Variants in SGCZ observed in about 807,000 individuals in gnomAD.
SGCZ encodes sarcoglycan zeta.
SGCZ carries 40 observed loss-of-function variants against 41.3 expected under a neutral mutation model. That is an observed-to-expected ratio of 0.97 (90% CI 0.75 to 1.26). The LOEUF (loss-of-function observed/expected upper bound fraction) is 1.26, where lower values mean the gene tolerates loss of function less well. Among genes scored for constraint, SGCZ ranks in the 50% most tolerant of loss-of-function variants. The pLI is 0.00. For missense variants in SGCZ, 552 were observed against 369.8 expected, an observed-to-expected ratio of 1.49 and a Z score of -4.04; for synonymous variants, 206 against 137.5, an observed-to-expected ratio of 1.50 and a Z score of -3.49.
chr8:15,037,294 G>C (rs1391429093), intron 1 of SGCZ, among the ~76,000 whole-genome samples: 2 of 152,140 alleles, frequency 1.3e-5, no homozygotes, highest in East Asian at 3.9e-4. Flanking sequence ...TTTTATAGGG[G>C]CTTTCCCCAC....
chr8:14,747,086 G>A (rs1799357363), intron 1 of SGCZ, among the ~76,000 whole-genome samples: 2 of 152,000 alleles, frequency 1.3e-5, no homozygotes, highest in Non-Finnish European at 2.9e-5. Flanking sequence ...TATTTCAATT[G>A]GGGTAAGATT....
chr8:14,379,654 C>T (rs888204307), intron 2 of SGCZ, among the ~76,000 whole-genome samples: 1 of 152,038 alleles, frequency 6.6e-6, no homozygotes. Context: ...TAATAATAGG[C>T]AAACACTATT....
chr8:14,147,608 G>A (rs1369708851), intron 5 of SGCZ, among the ~76,000 whole-genome samples: 3 of 151,980 alleles, frequency 2.0e-5, no homozygotes, highest in African/African-American at 2.4e-5. Context: ...GTCCAAATAC[G>A]ATAACTGGAA....
intron 1 of SGCZ, among the ~76,000 whole-genome samples, chr8:14,570,145 C>T (rs1265008587): frequency 6.6e-6 from 1 of 152,058 alleles, no homozygotes; most frequent in Non-Finnish European, 1.5e-5. Flanking sequence ...AAGACCGGGA[C>T]TTTGGGGTTG....
chr8:14,672,852 T>A lies in SGCZ; in HGVS notation c.40-117926A>T, dbSNP rs574811995. 1.6e-3 allele frequency among the ~76,000 whole-genome samples: 242 copies of A among 152,306 alleles called. 4 individuals carry two copies. In the Middle Eastern group the frequency reaches 0.024, roughly 15 times the overall value. On this transcript the variant is annotated intron_variant, in intron 1 of 7. Coordinates refer to ENST00000382080, the MANE Select transcript of SGCZ (RefSeq NM_139167.4). ...AATGGTCTACATAAAGGATCAGTAATCTTTTTCTTATAAAGGGGTCAGAAA... is the reference window on the plus strand; with the variant it reads ...AATGGTCTACATAAAGGATCAGTAAACTTTTTCTTATAAAGGGGTCAGAAA...
intron 1 of SGCZ, among the ~76,000 whole-genome samples, chr8:15,232,868 A>G (rs146297083): frequency 0.015 from 2,245 of 150,618 alleles, 29 homozygotes; most frequent in Middle Eastern, 0.028. Context: ...ACAAAAAATG[A>G]GTGATGTGAT....
At chr8:14,349,206 C>T (rs756777916) in intron 2 of SGCZ, among the ~76,000 whole-genome samples, 1 of 152,042 alleles carries the variant, frequency 6.6e-6, no homozygotes, top group East Asian at 1.9e-4. Context: ...AAAATTAATT[C>T]GCATTACCAA....
intron 1 of SGCZ, among the ~76,000 whole-genome samples, chr8:14,918,928 GT>G (rs34721557): frequency 6.6e-6 from 1 of 152,156 alleles, no homozygotes; most frequent in Non-Finnish European, 1.5e-5. Context: ...GGCAGCATAT[GT>G]TTTGGTTAAC....
chr8:14,792,115 T>C (rs375580264), intron 1 of SGCZ, among the ~76,000 whole-genome samples: 1 of 152,340 alleles, frequency 6.6e-6, no homozygotes, highest in African/African-American at 2.4e-5. Flanking sequence ...TTTTCACCTA[T>C]GGTCTTAAAA....
intron 2 of SGCZ, among the ~76,000 whole-genome samples, chr8:14,444,195 C>T (rs1482339188): frequency 6.6e-6 from 1 of 152,114 alleles, no homozygotes; most frequent in African/African-American, 2.4e-5. Flanking sequence ...GAAATAGGAA[C>T]ACTTTTACAC....
chr8:15,216,225 T>TTC (rs1384859548), intron 1 of SGCZ, among the ~76,000 whole-genome samples: 1 of 145,218 alleles, frequency 6.9e-6, no homozygotes, highest in African/African-American at 2.5e-5. Flanking sequence ...TTTTTTTTCT[T>TTC]TTTTTTTTTT....
intron 1 of SGCZ, among the ~76,000 whole-genome samples, chr8:15,006,100 T>C (rs1056105593): frequency 5.3e-5 from 8 of 152,336 alleles, no homozygotes; most frequent in Admixed American, 2.0e-4. Context: ...ATATATATTA[T>C]TGTATTTTAT....
At chr8:15,221,976 T>G (rs1385174467) in intron 1 of SGCZ, among the ~76,000 whole-genome samples, 1 of 152,224 alleles carries the variant, frequency 6.6e-6, no homozygotes, top group East Asian at 1.9e-4. Flanking sequence ...CCCTGTGTCC[T>G]AGCACTTACA....
At chr8:14,679,856 C>T (rs920485170) in intron 1 of SGCZ, among the ~76,000 whole-genome samples, 5 of 151,740 alleles carry the variant, frequency 3.3e-5, no homozygotes, top group Admixed American at 6.6e-5. Flanking sequence ...TCTTTGATAC[C>T]CATTTTTTCT....
At position 14,696,234 on chromosome 8, in the gene SGCZ, C is replaced by A. The variant is rs1388851415; in HGVS notation, c.40-141308G>T. 2.6e-5 allele frequency among the ~76,000 whole-genome samples: 4 copies of A among 152,204 alleles called. No individual in the cohort carries two copies. The East Asian group carries it at 7.7e-4, about 29-fold the overall frequency. On this transcript the variant is annotated intron_variant, in intron 1 of 7. Transcript: ENST00000382080. ...GCCTTTAATCTAAAACTCCTCTAAA[C>A]TGTGTGATTTAATTAACCAATAATT...
chr8:15,146,419 G>A (rs1377188856), intron 1 of SGCZ, among the ~76,000 whole-genome samples: 1 of 152,170 alleles, frequency 6.6e-6, no homozygotes, highest in Non-Finnish European at 1.5e-5. Context: ...AAGTTGGAGT[G>A]CAGTGGCTAA....
At position 14,589,345 on chromosome 8, in the gene SGCZ, C is replaced by CAA. The variant is rs34816729; in HGVS notation, c.40-34421_40-34420dup. On this transcript the variant is annotated intron_variant, in intron 1 of 7. Coordinates refer to ENST00000382080, the MANE Select transcript of SGCZ (RefSeq NM_139167.4). ...TGGATGACAGAGTGAGACTCCATCT[C>CAA]AAAAAAAAAAAAAAAAATAGAAATT... Among the ~76,000 whole-genome samples the CAA allele has an allele frequency of 5.9e-3, 720 of 122,474 alleles. 10 individuals carry two copies. The highest frequency in any genetic ancestry group is 0.02 in the African/African-American group (664 of 33,542). 80.3% of individuals were successfully genotyped at this position (122,474 alleles called of 152,430 possible). A position where few individuals can be genotyped will look rare whatever the true frequency, so the allele number is the denominator to read the frequency against.
At chr8:14,473,090 ATAAC>A (rs892905953) in intron 2 of SGCZ, among the ~76,000 whole-genome samples, 9 of 152,186 alleles carry the variant, frequency 5.9e-5, no homozygotes, top group Non-Finnish European at 8.8e-5. Context: ...GTTAAAATAA[ATAAC>A]TAACTGGGTC....
intron 1 of SGCZ, among the ~76,000 whole-genome samples, chr8:15,023,780 G>C (rs141054528): frequency 2.4e-4 from 36 of 152,274 alleles, no homozygotes; most frequent in African/African-American, 8.7e-4. Flanking sequence ...AAGGTTATGT[G>C]AGAGAGAGTC....
Sources: gnomAD v4.1 joint callset for allele counts (sites outside exome capture counted in the v4.1 genomes callset) on GRCh38, gnomAD v4.1.1 for gene constraint, MANE v1.5 for transcripts, NCBI Gene and HGNC (gene_info 2026-07-23, HGNC 2026-07-21) for gene names.